The following PCDH9 variants were observed in gnomAD, a reference collection of about 807,000 sequenced individuals.
The protein encoded by PCDH9 is protocadherin 9.
A neutral mutation model predicts 70.6 loss-of-function variants in PCDH9; 24 were observed. That is an observed-to-expected ratio of 0.34 (90% CI 0.25 to 0.48). The LOEUF (loss-of-function observed/expected upper bound fraction) is 0.48, where lower values mean the gene tolerates loss of function less well. PCDH9 is among the 20% of genes least tolerant of loss of function. PCDH9 has a pLI of 0.99. For synonymous variants in PCDH9, 562 were observed against 558.5 expected, an observed-to-expected ratio of 1.01 and a Z score of -0.09; for missense variants, 1,281 against 1,503.6, an observed-to-expected ratio of 0.85 and a Z score of 2.45.
At chr13:66,638,652 T>A (rs1331242435) in intron 3 of PCDH9, among the ~76,000 whole-genome samples, 2 of 152,182 alleles carry the variant, frequency 1.3e-5, no homozygotes, top group African/African-American at 4.8e-5. Flanking sequence ...CAATTTTTTA[T>A]GAGGAACATA....
intron 2 of PCDH9, among the ~76,000 whole-genome samples, chr13:66,923,870 T>C (rs2082676441): frequency 1.3e-5 from 2 of 151,806 alleles, no homozygotes; most frequent in Admixed American, 1.3e-4. Flanking sequence ...AACTATAAAC[T>C]ATTTTATGAA....
At chr13:66,959,704 T>C (rs967764063) in intron 2 of PCDH9, among the ~76,000 whole-genome samples, 3 of 150,848 alleles carry the variant, frequency 2.0e-5, no homozygotes, top group African/African-American at 4.9e-5. Flanking sequence ...TAAATTATGA[T>C]TGCATCACTG....
At chr13:67,215,030 G>A (rs1425297254) in intron 2 of PCDH9, 1 of 143,312 alleles carries the variant, frequency 7.0e-6, no homozygotes, top group East Asian at 2.1e-4. Flanking sequence ...CCATTTTGCA[G>A]ACAAGGAAAG....
At chr13:66,641,860 G>A (rs906781685) in intron 3 of PCDH9, among the ~76,000 whole-genome samples, 5 of 152,138 alleles carry the variant, frequency 3.3e-5, no homozygotes, top group Non-Finnish European at 5.9e-5. Context: ...TTTCTTCTTA[G>A]TAATGGTATT....
intron 2 of PCDH9, among the ~76,000 whole-genome samples, chr13:67,030,738 A>G (rs1429214971): frequency 1.3e-5 from 2 of 152,096 alleles, no homozygotes; most frequent in African/African-American, 4.8e-5. Context: ...GGCTCATTCC[A>G]TGTATTTAAA....
At chr13:67,220,486 A>G (rs562821392) in intron 2 of PCDH9, 2 of 152,140 alleles carry the variant, frequency 1.3e-5, no homozygotes, top group South Asian at 4.1e-4. Flanking sequence ...GTATGAAATC[A>G]TAAGAAGATA....
chr13:66,672,318 T>C (rs2078186304), intron 3 of PCDH9, among the ~76,000 whole-genome samples: 1 of 152,248 alleles, frequency 6.6e-6, no homozygotes, highest in South Asian at 2.1e-4. Flanking sequence ...AAAGCAATGC[T>C]TACATGTGGC....
At chr13:66,599,840 T>C (rs9540836) in intron 4 of PCDH9, among the ~76,000 whole-genome samples, 74,893 of 151,608 alleles carry the variant, frequency 0.49, 19,842 homozygotes, top group East Asian at 0.62. Flanking sequence ...ACACAAAACT[T>C]TAAGAACTTC....
chr13:67,014,399 T>A (rs1344344827), intron 2 of PCDH9, among the ~76,000 whole-genome samples: 1 of 152,108 alleles, frequency 6.6e-6, no homozygotes, highest in Admixed American at 6.6e-5. Context: ...CTTCTAGAAC[T>A]TTTATTCACT....
In PCDH9 at chr13:66,461,978, T is replaced by A. The variant is rs139917554; in HGVS notation, c.3341-156950A>T. On this transcript the variant is annotated intron_variant, in intron 4 of 4. Transcript: ENST00000377865. ...GTGATTCTATTTAATGACTTGTATT[T>A]ATTGAGTAATTGTTGCAGCAGTGCA... Among the ~76,000 whole-genome samples, 1,109 of 151,932 alleles carry A rather than the reference T, an allele frequency of 7.3e-3. 7 individuals carry two copies. Among genetic ancestry groups the A allele is most frequent in the Middle Eastern group, 0.014 (4 of 294 alleles).
At chr13:67,183,480 T>A (rs2088669219) in intron 2 of PCDH9, among the ~76,000 whole-genome samples, 2 of 152,194 alleles carry the variant, frequency 1.3e-5, no homozygotes, top group African/African-American at 4.8e-5. Flanking sequence ...GCTATTTTTA[T>A]TATGTTTCTC....
chr13:66,877,995 T>C (rs571732126), intron 3 of PCDH9, among the ~76,000 whole-genome samples: 1 of 152,126 alleles, frequency 6.6e-6, no homozygotes, highest in Non-Finnish European at 1.5e-5. Context: ...ATACTCTCTT[T>C]TCCTTGATCA....
chr13:66,527,846 C>A (rs569032396), intron 4 of PCDH9, among the ~76,000 whole-genome samples: 1 of 151,992 alleles, frequency 6.6e-6, no homozygotes, highest in African/African-American at 2.4e-5. Flanking sequence ...GGCAAAATCC[C>A]GTCTCTACTA....
chr13:66,920,899 T>G (rs1419453255), intron 2 of PCDH9, among the ~76,000 whole-genome samples: 1 of 151,258 alleles, frequency 6.6e-6, no homozygotes, highest in Non-Finnish European at 1.5e-5. Flanking sequence ...TGCTTCTTCC[T>G]ATGAATGTCT....
In PCDH9 at chr13:66,650,765, G is replaced by T. The variant is rs540801054; in HGVS notation, c.3139-19354C>A. Reference sequence around the variant, plus strand: ...CCTCAGTACATGAATCATTCTCAAGGGTAGACCATATATCAGGCCACAAGA... The same window carrying T: ...CCTCAGTACATGAATCATTCTCAAGTGTAGACCATATATCAGGCCACAAGA... On this transcript the variant is annotated intron_variant, in intron 3 of 4. Coordinates refer to ENST00000377865, the MANE Select transcript of PCDH9 (RefSeq NM_203487.3). Among the ~76,000 whole-genome samples the T allele has an allele frequency of 5.9e-5, 9 of 151,462 alleles. No homozygotes were observed. The South Asian group carries it at 1.9e-3, about 32-fold the overall frequency.
chr13:66,607,074 A>T (rs1228219376), intron 4 of PCDH9, among the ~76,000 whole-genome samples: 4 of 152,144 alleles, frequency 2.6e-5, no homozygotes, highest in African/African-American at 9.7e-5. Flanking sequence ...AATACCAAAA[A>T]TTCTCACTAA....
chr13:66,526,435 G>C (rs1960219242), intron 4 of PCDH9, among the ~76,000 whole-genome samples: 1 of 152,056 alleles, frequency 6.6e-6, no homozygotes, highest in African/African-American at 2.4e-5. Context: ...AAATTTTGCT[G>C]AGCTAAAATG....
rs1284833646 is a variant in PCDH9 at position 66,932,651 on chromosome 13, A to C, written c.3037-29046T>G. On this transcript the variant is annotated intron_variant, in intron 2 of 4. Coordinates refer to ENST00000377865, the MANE Select transcript of PCDH9 (RefSeq NM_203487.3). Reference sequence around the variant, plus strand: ...ATTTTTTTCTAGGCTTAAATGTGTAAATCCTCACATATATATATATATATA... The same window carrying C: ...ATTTTTTTCTAGGCTTAAATGTGTACATCCTCACATATATATATATATATA... Among the ~76,000 whole-genome samples, 4 of 89,356 alleles carry C rather than the reference A, an allele frequency of 4.5e-5. No homozygotes were observed. The East Asian group carries it at 1.2e-3, about 26-fold the overall frequency. The allele number at this position is 89,356 out of a possible 152,430, so 58.6% of individuals were successfully genotyped here.
At chr13:66,641,938 GT>G (rs2077714079) in intron 3 of PCDH9, among the ~76,000 whole-genome samples, 1 of 152,052 alleles carries the variant, frequency 6.6e-6, no homozygotes, top group South Asian at 2.1e-4. Flanking sequence ...TTCTCAAAGG[GT>G]TTCAATGAAA....
Sources: allele counts gnomAD v4.1 joint callset (sites outside exome capture counted in the v4.1 genomes callset), GRCh38; gene constraint gnomAD v4.1.1; transcripts MANE v1.5; gene names NCBI Gene and HGNC (gene_info 2026-07-23, HGNC 2026-07-21).